Variants in LRFN2 observed in about 807,000 individuals in gnomAD.
LRFN2 encodes the protein leucine-rich repeat and fibronectin type-III domain-containing protein 2.
In LRFN2, 18 loss-of-function variants were observed where a neutral mutation model predicts 37.3. The observed-to-expected ratio is 0.48, with a 90% confidence interval of 0.33 to 0.72. The LOEUF (loss-of-function observed/expected upper bound fraction) is 0.72, where lower values mean the gene tolerates loss of function less well. Ranked by LOEUF, LRFN2 falls within the 30% of genes least tolerant of loss-of-function variation. The pLI is 0.02. For synonymous variants in LRFN2, 556 were observed against 466.6 expected, an observed-to-expected ratio of 1.19 and a Z score of -2.47; for missense variants, 1,006 against 1,060.7, an observed-to-expected ratio of 0.95 and a Z score of 0.72.
chr6:40,479,296 C>G (rs566074595), intron 1 of LRFN2, among the ~76,000 whole-genome samples: 3 of 152,330 alleles, frequency 2.0e-5, no homozygotes, highest in African/African-American at 7.2e-5. Context: ...TCCCTGTCCT[C>G]CAGCCTAGTC....
At chr6:40,514,391 C>T (rs912527054) in intron 1 of LRFN2, among the ~76,000 whole-genome samples, 2 of 152,098 alleles carry the variant, frequency 1.3e-5, no homozygotes, top group Non-Finnish European at 2.9e-5. Flanking sequence ...CTCAGCTCTC[C>T]GCAACCTCTG....
chr6:40,532,810 A>T (rs1013050787), intron 1 of LRFN2, among the ~76,000 whole-genome samples: 6 of 152,164 alleles, frequency 3.9e-5, no homozygotes, highest in Non-Finnish European at 8.8e-5. Flanking sequence ...TAAGGGCGGA[A>T]CCCTGTCAAT....
intron 1 of LRFN2, among the ~76,000 whole-genome samples, chr6:40,480,267 T>C (rs58334771): frequency 0.18 from 27,676 of 152,002 alleles, 4,636 homozygotes; most frequent in African/African-American, 0.44. Flanking sequence ...AGTTCAGGCT[T>C]TTTTTCTTTT....
At chr6:40,420,479 TC>T (rs929781800) in intron 2 of LRFN2, among the ~76,000 whole-genome samples, 2 of 151,944 alleles carry the variant, frequency 1.3e-5, no homozygotes, top group Non-Finnish European at 2.9e-5. Flanking sequence ...CCCATCAGCT[TC>T]CCCCCCAGGC....
intron 1 of LRFN2, among the ~76,000 whole-genome samples, chr6:40,552,895 T>C (rs897098763): frequency 6.6e-6 from 1 of 152,160 alleles, no homozygotes; most frequent in African/African-American, 2.4e-5. Context: ...TGTGTTGGAG[T>C]GTTCTTATCC....
rs927930061 is a variant in LRFN2, at chr6:40,432,491, C to T, written c.623G>A (p.Arg208Gln). 1.4e-5 allele frequency: 22 copies of T among 1,614,190 alleles called. No homozygotes were observed. The highest frequency in any genetic ancestry group is 1.8e-5 in the Non-Finnish European group (21 of 1,180,036). The change falls in exon 2 of 3, where the codon CGG (arginine) becomes CAG (glutamine). Residue 208 changes from arginine to glutamine, a missense_variant. Arg to Gln is a conservative substitution (Grantham distance 43). Coordinates refer to ENST00000338305, the MANE Select transcript of LRFN2 (RefSeq NM_020737.3). ...KLARLDLTSN[R>Q]LQKLPPDPIF... Reference sequence around the variant, plus strand: ...GGGATCAGGGGGCAGCTTCTGCAGCCGATTGGAGGTGAGATCCAGGCGGGC... The same window carrying T: ...GGGATCAGGGGGCAGCTTCTGCAGCTGATTGGAGGTGAGATCCAGGCGGGC...
intron 1 of LRFN2, among the ~76,000 whole-genome samples, chr6:40,575,197 C>A (rs147570213): frequency 1.3e-5 from 2 of 152,172 alleles, no homozygotes; most frequent in East Asian, 3.9e-4. Context: ...CACTGCTGTG[C>A]ACTAGTGAGG....
intron 1 of LRFN2, among the ~76,000 whole-genome samples, chr6:40,540,262 C>T (rs1440661208): frequency 6.6e-6 from 1 of 152,222 alleles, no homozygotes; most frequent in Non-Finnish European, 1.5e-5. Context: ...TAGCACTGTT[C>T]ATAAGCATTT....
At chr6:40,473,926 C>T (rs1055621290) in intron 1 of LRFN2, among the ~76,000 whole-genome samples, 1 of 152,206 alleles carries the variant, frequency 6.6e-6, no homozygotes, top group African/African-American at 2.4e-5. Context: ...ACCCACCATG[C>T]CCTTAACCAC....
At chr6:40,418,131 T>C (rs1387325235) in intron 2 of LRFN2, among the ~76,000 whole-genome samples, 1 of 152,136 alleles carries the variant, frequency 6.6e-6, no homozygotes, top group African/African-American at 2.4e-5. Context: ...TCTCACTCAT[T>C]CACTGCCACT....
At chr6:40,406,132 C>A (rs959000439) in intron 2 of LRFN2, among the ~76,000 whole-genome samples, 6 of 152,184 alleles carry the variant, frequency 3.9e-5, no homozygotes, top group Non-Finnish European at 8.8e-5. Flanking sequence ...TGTCACTGAC[C>A]AGCAGTGTGA....
chr6:40,454,812 T>A lies in LRFN2; in HGVS notation c.-18-21681A>T, dbSNP rs1764199830. Among the ~76,000 whole-genome samples, 3 of 152,230 alleles carry A rather than the reference T, an allele frequency of 2.0e-5. No homozygotes were observed. In the South Asian group the frequency reaches 6.2e-4, roughly 32 times the overall value. Reference sequence around the variant, plus strand: ...CCAAAGACTATATATAACTTAAATATTTACCTATAGCTTACCCATATGTGA... The same window carrying A: ...CCAAAGACTATATATAACTTAAATAATTACCTATAGCTTACCCATATGTGA... On this transcript the variant is annotated intron_variant, in intron 1 of 2. Transcript: ENST00000338305.
chr6:40,552,202 T>C (rs897523486), intron 1 of LRFN2, among the ~76,000 whole-genome samples: 2 of 152,230 alleles, frequency 1.3e-5, no homozygotes, highest in Non-Finnish European at 2.9e-5. Flanking sequence ...AGCCCAGGAA[T>C]CCTTGTTTTA....
At chr6:40,416,623 C>A (rs1763099320) in intron 2 of LRFN2, among the ~76,000 whole-genome samples, 1 of 152,222 alleles carries the variant, frequency 6.6e-6, no homozygotes, top group Non-Finnish European at 1.5e-5. Context: ...GTCCCAGGGA[C>A]TTTGACTCTG....
chr6:40,458,984 C>A (rs553072692), intron 1 of LRFN2, among the ~76,000 whole-genome samples: 1 of 152,356 alleles, frequency 6.6e-6, no homozygotes, highest in African/African-American at 2.4e-5. Flanking sequence ...TTTGTTACAG[C>A]AACTTTACCT....
At chr6:40,512,219 G>A (rs1425048326) in intron 1 of LRFN2, among the ~76,000 whole-genome samples, 1 of 152,160 alleles carries the variant, frequency 6.6e-6, no homozygotes, top group African/African-American at 2.4e-5. Context: ...TTTCCTGAAA[G>A]ACCCAAGGCC....
intron 1 of LRFN2, among the ~76,000 whole-genome samples, chr6:40,534,725 G>C (rs1766418278): frequency 6.6e-6 from 1 of 152,144 alleles, no homozygotes; most frequent in African/African-American, 2.4e-5. Flanking sequence ...CTTCCTTCTA[G>C]GGTCATCACT....
chr6:40,464,344 C>G (rs767325992), intron 1 of LRFN2, among the ~76,000 whole-genome samples: 4 of 152,142 alleles, frequency 2.6e-5, no homozygotes, highest in Non-Finnish European at 5.9e-5. Context: ...ACTTAATCAT[C>G]AATGCAACAA....
At chr6:40,467,999 C>T (rs1185965403) in intron 1 of LRFN2, among the ~76,000 whole-genome samples, 1 of 152,136 alleles carries the variant, frequency 6.6e-6, no homozygotes, top group African/African-American at 2.4e-5. Context: ...AGGACATACT[C>T]ATCCAGCTCC....
Sources: gnomAD v4.1 joint callset for allele counts (sites outside exome capture counted in the v4.1 genomes callset) on GRCh38, gnomAD v4.1.1 for gene constraint, MANE v1.5 for transcripts, NCBI Gene and HGNC (gene_info 2026-07-23, HGNC 2026-07-21) for gene names.